CFAP54: variants seen among roughly 807,000 people sequenced by gnomAD.
CFAP54 encodes cilia- and flagella-associated protein 54.
Under a neutral mutation model 370.4 loss-of-function variants are expected in CFAP54, and 290 were observed. The ratio of observed to expected loss-of-function variants is 0.78; its 90% CI spans 0.71 to 0.86. The LOEUF (loss-of-function observed/expected upper bound fraction) is 0.86. Among genes scored for constraint, CFAP54 ranks in the 40% least tolerant of loss-of-function variants. The probability of loss-of-function intolerance (pLI) is 0.00; values close to 1 mark genes in which losing one functional copy is unlikely to be tolerated. For synonymous variants in CFAP54, 1,206 were observed against 1,236.5 expected, an observed-to-expected ratio of 0.98 and a Z score of 0.52; for missense variants, 3,399 against 3,528.7, an observed-to-expected ratio of 0.96 and a Z score of 0.93.
At chr12:96,663,759 A>G (rs1858947699) in intron 38 of CFAP54, 71 bp from the exon 39 acceptor site, 1 of 1,055,532 alleles carries the variant, frequency 9.5e-7, no homozygotes, top group South Asian at 1.4e-5. Context: ...AATGAGAGAA[A>G]CATTTCAAGT....
At position 96,603,532 on chromosome 12, in the gene CFAP54, A is replaced by G. The variant is rs534300808; in HGVS notation, c.3639+4765A>G. Among the ~76,000 whole-genome samples the G allele has an allele frequency of 2.0e-5, 3 of 152,280 alleles. No individual in the cohort carries two copies. The East Asian group carries it at 5.8e-4, about 29-fold the overall frequency. On this transcript the variant is annotated intron_variant, in intron 26 of 67. Coordinates refer to ENST00000524981, the MANE Select transcript of CFAP54 (RefSeq NM_001306084.2). ...TGCTAGGTTGGGGAAATTCTCCTGG[A>G]TAATATCCTGCAGAGTGTTTTCCAA... is the stretch of plus-strand genomic sequence containing the variant.
intron 13 of CFAP54, among the ~76,000 whole-genome samples, chr12:96,538,927 T>A (rs1489375127): frequency 6.6e-6 from 1 of 151,970 alleles, no homozygotes; most frequent in Non-Finnish European, 1.5e-5. Context: ...AATTTTGTTT[T>A]ATTTTTTGTA....
chr12:96,559,609 A>G (rs1042081570), intron 17 of CFAP54, among the ~76,000 whole-genome samples: 9 of 152,192 alleles, frequency 5.9e-5, no homozygotes, highest in Admixed American at 2.0e-4. Flanking sequence ...ACATCTATGT[A>G]TAAACATCTG....
chr12:96,500,446 T>C (rs1241777570), intron 1 of CFAP54, among the ~76,000 whole-genome samples: 2 of 152,192 alleles, frequency 1.3e-5, no homozygotes, highest in African/African-American at 4.8e-5. Context: ...CTATGGACTT[T>C]GGGTGATAAT....
intron 32 of CFAP54, among the ~76,000 whole-genome samples, chr12:96,637,294 G>A (rs1013004586): frequency 6.6e-6 from 1 of 152,006 alleles, no homozygotes; most frequent in Non-Finnish European, 1.5e-5. Context: ...TCCATTCATC[G>A]GTTGATAGAC....
rs760395776 is a variant in CFAP54 at position 96,512,999 on chromosome 12, T to G, written c.753T>G (p.Ile251Met). The change falls in exon 5 of 68, where the codon ATT (isoleucine) becomes ATG (methionine). Residue 251 changes from isoleucine to methionine, a missense_variant. Coordinates refer to ENST00000524981, the MANE Select transcript of CFAP54 (RefSeq NM_001306084.2). ...TTCTCCATCCAGGTACCATTTATAT[T>G]TACACCATTTGCAGAAAACTGATGG... ...CWIIFNGTIY[I>M]YTICRKLMVI... 58 of 1,517,318 alleles carry G rather than the reference T, an allele frequency of 3.8e-5. No individual in the cohort carries two copies. The East Asian group carries it at 5.7e-4, about 15-fold the overall frequency. 94.0% of individuals were successfully genotyped at this position (1,517,318 alleles called of 1,614,324 possible). A position where few individuals can be genotyped will look rare whatever the true frequency, so the allele number is the denominator to read the frequency against.
intron 50 of CFAP54, among the ~76,000 whole-genome samples, chr12:96,738,077 A>G (rs1402280167): frequency 2.0e-5 from 3 of 152,162 alleles, no homozygotes; most frequent in Non-Finnish European, 4.4e-5. Flanking sequence ...TTAGGAAGCT[A>G]CTGTGGTCAT....
chr12:96,503,473 C>G (rs1955055930), intron 2 of CFAP54, among the ~76,000 whole-genome samples: 1 of 149,298 alleles, frequency 6.7e-6, no homozygotes, highest in Non-Finnish European at 1.5e-5. Context: ...CGCTCGCTCG[C>G]TCTTCGTTTC....
intron 26 of CFAP54, among the ~76,000 whole-genome samples, chr12:96,599,085 T>C (rs1191662284): frequency 1.3e-5 from 2 of 152,164 alleles, no homozygotes; most frequent in Non-Finnish European, 2.9e-5. Context: ...GGTATACATA[T>C]GCCATGTTGG....
chr12:96,704,582 T>A (rs1448201470), intron 46 of CFAP54, among the ~76,000 whole-genome samples, 161 bp from the exon 47 acceptor site: 1 of 148,926 alleles, frequency 6.7e-6, no homozygotes, highest in East Asian at 1.9e-4. Flanking sequence ...GACTTATGTA[T>A]GATTTTTACT....
At chr12:96,679,889 C>A in intron 40 of CFAP54, 137 bp downstream of exon 40, 1 of 813,868 alleles carries the variant, frequency 1.2e-6, no homozygotes, top group Non-Finnish European at 2.0e-6. Flanking sequence ...TTCCTCTTGT[C>A]CAGTGGATCT....
At position 96,513,665 on chromosome 12, in the gene CFAP54, T is replaced by G. The variant is rs371254511; in HGVS notation, c.798+621T>G. 3.2e-3 allele frequency among the ~76,000 whole-genome samples: 481 copies of G among 152,120 alleles called. 2 individuals carry two copies. Among genetic ancestry groups the G allele is most frequent in the South Asian group, 6.0e-3 (29 of 4,812 alleles). On this transcript the variant is annotated intron_variant, in intron 5 of 67. Transcript: ENST00000524981. ...CTGAGGTGGGAAGATTGCTTGAGCCTGGGAGGCGGAGGTTGCAGAGAGCCA... is the reference window on the plus strand; with the variant it reads ...CTGAGGTGGGAAGATTGCTTGAGCCGGGGAGGCGGAGGTTGCAGAGAGCCA...
intron 60 of CFAP54, among the ~76,000 whole-genome samples, chr12:96,783,503 A>G (rs965846957): frequency 4.6e-5 from 7 of 152,258 alleles, no homozygotes; most frequent in Non-Finnish European, 1.0e-4. Flanking sequence ...CATAAATGGT[A>G]TCATACTCTA....
chr12:96,811,684 C>T (rs1958929643), intron 63 of CFAP54, 52 bp from the exon 64 acceptor site: 3 of 942,664 alleles, frequency 3.2e-6, no homozygotes, highest in Non-Finnish European at 4.6e-6. Flanking sequence ...AGTTTTTGAG[C>T]TAAACTCTAA....
intron 65 of CFAP54, among the ~76,000 whole-genome samples, chr12:96,826,302 T>C (rs1959101164): frequency 7.0e-6 from 1 of 143,100 alleles, no homozygotes; most frequent in Admixed American, 7.5e-5. Context: ...CATATATATA[T>C]AGAAGACAAT....
intron 42 of CFAP54, among the ~76,000 whole-genome samples, chr12:96,688,404 C>A (rs920836515): frequency 6.6e-6 from 1 of 152,202 alleles, no homozygotes; most frequent in African/African-American, 2.4e-5. Context: ...TTACCAAAAA[C>A]TTCCACGTCC....
rs79699009 is a variant in CFAP54 at position 96,770,478 on chromosome 12, C to A, written c.8281+5260C>A. Reference sequence around the variant, plus strand: ...AGAGTCAACAATGTAAAATAAGAAACAACAGATGGTTCATGTGAGAGAAAA... The same window carrying A: ...AGAGTCAACAATGTAAAATAAGAAAAAACAGATGGTTCATGTGAGAGAAAA... On this transcript the variant is annotated intron_variant, in intron 60 of 67. Transcript: ENST00000524981. 6.3e-3 allele frequency among the ~76,000 whole-genome samples: 966 copies of A among 152,300 alleles called. 10 individuals are homozygous for A. The highest frequency in any genetic ancestry group is 0.022 in the African/African-American group (907 of 41,574).
At chr12:96,531,289 G>A (rs1055598381) in intron 9 of CFAP54, among the ~76,000 whole-genome samples, 5 of 151,966 alleles carry the variant, frequency 3.3e-5, no homozygotes, top group Non-Finnish European at 5.9e-5. Flanking sequence ...TAGTGTTTCT[G>A]TTGAGAAGTG....
At chr12:96,759,453 ATATG>A (rs1958309752) in intron 58 of CFAP54, among the ~76,000 whole-genome samples, 2 of 152,224 alleles carry the variant, frequency 1.3e-5, no homozygotes, top group African/African-American at 2.4e-5. Flanking sequence ...ATTCCTTACA[ATATG>A]ATCATTATTT....
Sources: allele counts gnomAD v4.1 joint callset (sites outside exome capture counted in the v4.1 genomes callset), GRCh38; gene constraint gnomAD v4.1.1; transcripts MANE v1.5; gene names NCBI Gene and HGNC (gene_info 2026-07-23, HGNC 2026-07-21).